HMGB1: variants seen among roughly 807,000 people sequenced by gnomAD.
The protein encoded by HMGB1 is high mobility group box 1, also known as high mobility group protein B1.
For synonymous variants in HMGB1, 81 were observed against 84.0 expected (o/e 0.96, Z 0.19); for missense variants, 79 against 253.5 (o/e 0.31, Z 4.67).
intron 1 of HMGB1, among the ~76,000 whole-genome samples, chr13:30,493,733 G>A (rs1255194769): frequency 6.6e-6 from 1 of 151,988 alleles, no homozygotes; most frequent in African/African-American, 2.4e-5. Context: ...GGAGTTTGAG[G>A]CTGCATTGAG....
chr13:30,538,942 G>A (rs1414651290), intron 1 of HMGB1, among the ~76,000 whole-genome samples: 1 of 151,976 alleles, frequency 6.6e-6, no homozygotes, highest in Admixed American at 6.6e-5. Context: ...TGTCACCCAG[G>A]CTGGAGTGCA....
intron 1 of HMGB1, among the ~76,000 whole-genome samples, chr13:30,485,868 G>T (rs1887352973): frequency 2.0e-5 from 3 of 152,170 alleles, no homozygotes; most frequent in Admixed American, 6.5e-5. Flanking sequence ...TGGAATTTTA[G>T]AACACAGTTA....
rs142489004 is a variant in HMGB1, at chr13:30,544,776, C to T, written c.-15+71895G>A. 1.2e-3 allele frequency among the ~76,000 whole-genome samples: 178 copies of T among 152,304 alleles called. 1 individual carries two copies. Among genetic ancestry groups the T allele is most frequent in the African/African-American group, 4.0e-3 (168 of 41,540 alleles). On this transcript the variant is annotated intron_variant, in intron 1 of 4. Coordinates refer to the HMGB1 transcript ENST00000405805. ...GAACCTGAGGAGAAGGAGGTGGGAA[C>T]GCCTGATTTGTAGCTGGTGGGTCAG...
chr13:30,558,860 G>C (rs1331696), intron 1 of HMGB1, among the ~76,000 whole-genome samples: 150,877 of 152,294 alleles, frequency 0.99, 74,752 homozygotes, highest in Non-Finnish European at 1. Context: ...GAGTAGGGCC[G>C]AGAAATGAGT....
chr13:30,464,824 G>C (rs1257737038), intron 1 of HMGB1: 1 of 102,414 alleles, frequency 9.8e-6, no homozygotes, highest in African/African-American at 2.9e-5. Flanking sequence ...TGCGGGCGCG[G>C]CGGCGGCGGC....
rs140229018 is a variant in HMGB1, at chr13:30,545,303, T to C, written c.-15+71368A>G. Among the ~76,000 whole-genome samples, 4 of 152,044 alleles carry C rather than the reference T, an allele frequency of 2.6e-5. No homozygotes were observed. In the East Asian group the frequency reaches 7.7e-4, roughly 29 times the overall value. On this transcript the variant is annotated intron_variant, in intron 1 of 4. Coordinates refer to the HMGB1 transcript ENST00000405805. ...ACGACAATAACAAATGCTAACTCTG[T>C]GTGAGGGTGTTGTCACTGGGTGATG...
At position 30,553,816 on chromosome 13, in the gene HMGB1, G is replaced by C. The variant is rs1869547494; in HGVS notation, c.-15+62855C>G. On this transcript the variant is annotated intron_variant, in intron 1 of 4. Coordinates refer to the HMGB1 transcript ENST00000405805. The stretch of plus-strand genomic sequence containing the variant: ...GAAAACAGAAATCGAAATAGATACA[G>C]AGATGTAAGCCCATATGATCACAGT... 13 of 1,365,178 alleles carry C rather than the reference G, an allele frequency of 9.5e-6. No homozygotes were observed. The South Asian group carries it at 1.4e-4, about 15-fold the overall frequency. 84.6% of individuals were successfully genotyped at this position (1,365,178 alleles called of 1,614,324 possible).
chr13:30,550,976 T>G (rs921718594), intron 1 of HMGB1, among the ~76,000 whole-genome samples: 4 of 152,198 alleles, frequency 2.6e-5, no homozygotes, highest in African/African-American at 9.7e-5. Flanking sequence ...TCACTTTAGA[T>G]TGCCAGGTAA....
At chr13:30,503,027 TACAA>T (rs1257996076) in intron 1 of HMGB1, among the ~76,000 whole-genome samples, 1 of 151,610 alleles carries the variant, frequency 6.6e-6, no homozygotes, top group Non-Finnish European at 1.5e-5. Context: ...AGGAGAGGGA[TACAA>T]ACAAACAGAT....
At chr13:30,576,946 A>G (rs945046924) in intron 1 of HMGB1, among the ~76,000 whole-genome samples, 1 of 152,154 alleles carries the variant, frequency 6.6e-6, no homozygotes, top group Non-Finnish European at 1.5e-5. Flanking sequence ...ATATGTCCTA[A>G]TCCCTGATGT....
intron 1 of HMGB1, among the ~76,000 whole-genome samples, chr13:30,609,271 C>A (rs898681283): frequency 1.3e-5 from 2 of 151,952 alleles, no homozygotes; most frequent in African/African-American, 4.8e-5. Flanking sequence ...AAAAAACAAA[C>A]AAACAAAAAA....
Position 30,559,700 on chromosome 13 carries a change from G to A in HMGB1, c.-15+56971C>T, listed in dbSNP as rs951845627. Among the ~76,000 whole-genome samples the A allele has an allele frequency of 6.6e-6, 1 of 151,678 alleles. No individual in the cohort carries two copies. Among genetic ancestry groups the A allele is most frequent in the Non-Finnish European group, 1.5e-5 (1 of 68,016 alleles). On this transcript the variant is annotated intron_variant, in intron 1 of 4. Coordinates refer to the HMGB1 transcript ENST00000405805. The surrounding 1 kb of genome is among the most constrained non-coding windows in gnomAD (Gnocchi z 6.6). ...GCTGCTGCTCAACTAAGGCATAACT[G>A]AACTCAAGATTTACAAAAATGTATT...
intron 3 of HMGB1, among the ~76,000 whole-genome samples, 164 bp from the exon 4 acceptor site, chr13:30,462,876 T>TA (rs1886446846): frequency 6.6e-6 from 1 of 152,174 alleles, no homozygotes; most frequent in African/African-American, 2.4e-5. Context: ...AACCAAAGCT[T>TA]AATTTACAAC....
At chr13:30,585,827 A>G (rs1414114251) in intron 1 of HMGB1, among the ~76,000 whole-genome samples, 3 of 152,256 alleles carry the variant, frequency 2.0e-5, no homozygotes, top group Admixed American at 6.5e-5. Context: ...ACAATCTACA[A>G]TCCCAGACTA....
At chr13:30,495,464 CTTTTCT>C (rs1887587913) in intron 1 of HMGB1, among the ~76,000 whole-genome samples, 1 of 149,618 alleles carries the variant, frequency 6.7e-6, no homozygotes, top group Non-Finnish European at 1.5e-5. Flanking sequence ...GAATATTTCC[CTTTTCT>C]TTTTCTTTTC....
At chr13:30,468,019 C>A (rs1382671792), upstream of HMGB1, among the ~76,000 whole-genome samples, 1 of 152,210 alleles carries the variant, frequency 6.6e-6, no homozygotes, top group African/African-American at 2.4e-5. Context: ...CTGCTACTTA[C>A]TAGCTGTATG....
At chr13:30,538,728 CTTTT>C (rs1278857950) in intron 1 of HMGB1, among the ~76,000 whole-genome samples, 12 of 100,798 alleles carry the variant, frequency 1.2e-4, no homozygotes, top group African/African-American at 4.3e-4. Context: ...CTTTTTCTTT[CTTTT>C]TCTTTCTTTC....
chr13:30,607,201 C>A lies in HMGB1; in HGVS notation c.-15+9470G>T, dbSNP rs771920683. 2.0e-5 allele frequency among the ~76,000 whole-genome samples: 3 copies of A among 152,154 alleles called. No individual in the cohort carries two copies. The South Asian group carries it at 6.2e-4, about 32-fold the overall frequency. On this transcript the variant is annotated intron_variant, in intron 1 of 4. Coordinates refer to the HMGB1 transcript ENST00000405805. ...AATAAATCAGTAGATGGGCATGAGG[C>A]ACCTCCCAGGAGACTATAATTATTA...
chr13:30,574,417 T>C (rs894555901), intron 1 of HMGB1, among the ~76,000 whole-genome samples: 1 of 152,238 alleles, frequency 6.6e-6, no homozygotes, highest in African/African-American at 2.4e-5. Flanking sequence ...CTGTCTACCA[T>C]AGATGATGTT....
Sources: allele counts gnomAD v4.1 joint callset (sites outside exome capture counted in the v4.1 genomes callset), GRCh38; gene constraint gnomAD v4.1.1; non-coding constraint Gnocchi (gnomAD v3.1); transcripts MANE v1.5; gene names NCBI Gene and HGNC (gene_info 2026-07-23, HGNC 2026-07-21).